The following NRG2 variants were observed in gnomAD, a reference collection of about 807,000 sequenced individuals.
NRG2 encodes the protein pro-neuregulin-2, membrane-bound isoform.
NRG2 carries 27 observed loss-of-function variants against 73.9 expected under a neutral mutation model. That is an observed-to-expected ratio of 0.37 (90% CI 0.27 to 0.50). The LOEUF is 0.50. Among genes scored for constraint, NRG2 ranks in the 20% least tolerant of loss-of-function variants. The probability of loss-of-function intolerance (pLI) is 0.96; values close to 1 mark genes in which losing one functional copy is unlikely to be tolerated. For synonymous variants in NRG2, 532 were observed against 541.0 expected, an observed-to-expected ratio of 0.98 and a Z score of 0.23; for missense variants, 1,126 against 1,210.1, an observed-to-expected ratio of 0.93 and a Z score of 1.03.
chr5:139,930,614 C>G (rs1356436444), intron 1 of NRG2, among the ~76,000 whole-genome samples: 1 of 152,196 alleles, frequency 6.6e-6, no homozygotes, highest in Non-Finnish European at 1.5e-5. Flanking sequence ...AAAGTGCATG[C>G]CTCATTGGCT....
intron 1 of NRG2, among the ~76,000 whole-genome samples, chr5:139,944,850 G>A (rs1399047303): frequency 6.6e-6 from 1 of 152,140 alleles, no homozygotes; most frequent in South Asian, 2.1e-4. Flanking sequence ...CATAGTGGCT[G>A]TACTAGTTTG....
intron 1 of NRG2, among the ~76,000 whole-genome samples, chr5:139,993,537 A>C (rs758807152): frequency 2.6e-5 from 4 of 152,194 alleles, no homozygotes; most frequent in Non-Finnish European, 4.4e-5. Flanking sequence ...GGACCATCCA[A>C]TCTAAAATAG....
At chr5:139,962,659 C>T (rs1755168104) in intron 1 of NRG2, among the ~76,000 whole-genome samples, 1 of 152,136 alleles carries the variant, frequency 6.6e-6, no homozygotes, top group Non-Finnish European at 1.5e-5. Flanking sequence ...TTCATCCTTC[C>T]CAAGCCCCAG....
At chr5:139,872,965 G>T (rs773872109) in intron 3 of NRG2, among the ~76,000 whole-genome samples, 1 of 152,144 alleles carries the variant, frequency 6.6e-6, no homozygotes, top group Non-Finnish European at 1.5e-5. Context: ...GGTGGCCCAA[G>T]CTACCCCAGC....
At chr5:139,881,679 G>A (rs1763532949) in intron 2 of NRG2, among the ~76,000 whole-genome samples, 1 of 152,360 alleles carries the variant, frequency 6.6e-6, no homozygotes, top group East Asian at 1.9e-4. Context: ...CTGAGTCCTA[G>A]AGGGACTTCC....
chr5:139,914,360 T>G (rs1024094332), intron 1 of NRG2, among the ~76,000 whole-genome samples: 18 of 152,134 alleles, frequency 1.2e-4, no homozygotes, highest in African/African-American at 4.1e-4. Context: ...CCCTCAGGTC[T>G]TTCTCTGTCC....
rs1755579353 is a variant in NRG2, at chr5:139,967,104, C to T, written c.700+75266G>A. Reference sequence around the variant, plus strand: ...GAATCACATGTGAGGAGTCTCCACACTGCATAGCCCACGGGGATAGGGTCA... The same window carrying T: ...GAATCACATGTGAGGAGTCTCCACATTGCATAGCCCACGGGGATAGGGTCA... On this transcript the variant is annotated intron_variant, in intron 1 of 9. Coordinates refer to ENST00000361474, the MANE Select transcript of NRG2 (RefSeq NM_004883.3). Among the ~76,000 whole-genome samples, 2 of 152,190 alleles carry T rather than the reference C, an allele frequency of 1.3e-5. 1 individual carries two copies. The highest frequency in any genetic ancestry group is 2.9e-5 in the Non-Finnish European group (2 of 68,032).
At chr5:139,959,291 CCAGT>C (rs2126494264) in intron 1 of NRG2, among the ~76,000 whole-genome samples, 1 of 152,296 alleles carries the variant, frequency 6.6e-6, no homozygotes, top group South Asian at 2.1e-4. Flanking sequence ...CCTCCGCCTC[CCAGT>C]CTCAAGCGAT....
At chr5:140,018,618 G>A (rs764351351) in intron 1 of NRG2, among the ~76,000 whole-genome samples, 4 of 152,156 alleles carry the variant, frequency 2.6e-5, no homozygotes, top group Non-Finnish European at 4.4e-5. Flanking sequence ...GAATTCATCA[G>A]CATCTCTTAG....
At chr5:140,003,973 G>A (rs969724417) in intron 1 of NRG2, among the ~76,000 whole-genome samples, 1 of 152,092 alleles carries the variant, frequency 6.6e-6, no homozygotes, top group Admixed American at 6.5e-5. Context: ...ATTATCTCTT[G>A]CCTAGTTGTT....
Position 139,887,635 on chromosome 5 carries a change from G to C in NRG2, c.701-124C>G. The stretch of plus-strand genomic sequence containing the variant: ...GGGGAAGGGAAGGGTGATCCTGAGA[G>C]CCACCCCTCCTAGTGTCATTTCCTA... On this transcript the variant is annotated intron_variant, in intron 1 of 9. Transcript: ENST00000361474. The surrounding 1 kb of genome is among the most constrained non-coding windows in gnomAD (Gnocchi z 4.5). The C allele has an allele frequency of 1.3e-6, 1 of 758,988 alleles. No homozygotes were observed. 47.0% of individuals were successfully genotyped at this position (758,988 alleles called of 1,614,324 possible).
chr5:139,848,050 G>A lies in NRG2; in HGVS notation c.2420C>T (p.Ser807Leu), dbSNP rs1761106765. Residue 807 changes from serine to leucine, a missense_variant, in exon 10 of 10, where the codon TCG (serine) becomes TTG (leucine). Physicochemically the swap from Ser to Leu is moderately radical, Grantham distance 145. Transcript: ENST00000361474. ...GLRGAHDALRSDSPPLCPAAD... is the reference protein window; with the variant it reads ...GLRGAHDALRLDSPPLCPAAD... ...CGCCGGGCACAGTGGCGGCGAGTCC[G>A]AGCGCAGCGCGTCGTGCGCCCCACG... The A allele has an allele frequency of 2.7e-6, 4 of 1,506,168 alleles. No individual in the cohort carries two copies. Among genetic ancestry groups the A allele is most frequent in the Middle Eastern group, 2.3e-4 (1 of 4,436 alleles). 93.3% of individuals were successfully genotyped at this position (1,506,168 alleles called of 1,614,324 possible). A position where few individuals can be genotyped will look rare whatever the true frequency, so the allele number is the denominator to read the frequency against.
intron 1 of NRG2, among the ~76,000 whole-genome samples, chr5:139,910,894 G>C (rs1323432773): frequency 1.3e-5 from 2 of 152,132 alleles, no homozygotes; most frequent in African/African-American, 4.8e-5. Flanking sequence ...TCTTTGGAGA[G>C]AGCAGAAGGT....
intron 1 of NRG2, among the ~76,000 whole-genome samples, chr5:139,963,435 G>A (rs1363639147): frequency 6.6e-6 from 1 of 152,154 alleles, no homozygotes; most frequent in Non-Finnish European, 1.5e-5. Context: ...CATCTGTGCT[G>A]GAGTCTTTTG....
Position 139,894,510 on chromosome 5 carries a change from C to T in NRG2, c.701-6999G>A, listed in dbSNP as rs910334635. The stretch of plus-strand genomic sequence containing the variant: ...CACAGCTGGTTTAAGTAGGCACAGA[C>T]GGCCTAGGCAGCCAGGCATCCTACC... On this transcript the variant is annotated intron_variant, in intron 1 of 9. Transcript: ENST00000361474. The surrounding 1 kb of genome is among the most constrained non-coding windows in gnomAD (Gnocchi z 5.0). Among the ~76,000 whole-genome samples, 11 of 151,866 alleles carry T rather than the reference C, an allele frequency of 7.2e-5. No homozygotes were observed. Among genetic ancestry groups the T allele is most frequent in the South Asian group, 2.1e-4 (1 of 4,820 alleles).
chr5:139,864,386 T>TTC (rs1491170445), intron 5 of NRG2, among the ~76,000 whole-genome samples: 2 of 101,480 alleles, frequency 2.0e-5, no homozygotes, highest in African/African-American at 1.4e-4. Flanking sequence ...CTTCTTCTTC[T>TTC]TTTTTTTTTT....
intron 1 of NRG2, among the ~76,000 whole-genome samples, chr5:140,029,023 T>A (rs1216933348): frequency 2.0e-5 from 3 of 152,142 alleles, no homozygotes; most frequent in Non-Finnish European, 4.4e-5. Flanking sequence ...AGAAGAAACT[T>A]TGAAATGACC....
chr5:139,901,791 G>A (rs1227241692), intron 1 of NRG2, among the ~76,000 whole-genome samples: 1 of 152,126 alleles, frequency 6.6e-6, no homozygotes, highest in Non-Finnish European at 1.5e-5. Flanking sequence ...TTTTTTAAAT[G>A]AAACCCTGAC....
rs1008926937 is a variant in NRG2, at chr5:139,918,577, C to A, written c.701-31066G>T. Among the ~76,000 whole-genome samples the A allele has an allele frequency of 3.9e-5, 6 of 152,230 alleles. No homozygotes were observed. The East Asian group carries it at 1.2e-3, about 29-fold the overall frequency. Reference sequence around the variant, plus strand: ...GAGGGTCCAAGATGTGGTTAGTAAACAGCCCAGACAAGCCCCAAGGTTCTT... The same window carrying A: ...GAGGGTCCAAGATGTGGTTAGTAAAAAGCCCAGACAAGCCCCAAGGTTCTT... On this transcript the variant is annotated intron_variant, in intron 1 of 9. Coordinates refer to ENST00000361474, the MANE Select transcript of NRG2 (RefSeq NM_004883.3).
Sources: gnomAD v4.1 joint callset for allele counts (sites outside exome capture counted in the v4.1 genomes callset) on GRCh38, gnomAD v4.1.1 for gene constraint, Gnocchi (gnomAD v3.1) non-coding constraint, MANE v1.5 for transcripts, NCBI Gene and HGNC (gene_info 2026-07-23, HGNC 2026-07-21) for gene names.